Variants in SH3KBP1 observed in about 807,000 individuals in gnomAD.
SH3KBP1 encodes SH3 domain containing kinase binding protein 1.
In SH3KBP1, 8 loss-of-function variants were observed where a neutral mutation model predicts 50.1. The ratio of observed to expected loss-of-function variants is 0.16; its 90% CI spans 0.09 to 0.29. The LOEUF is 0.29. Among genes scored for constraint, SH3KBP1 ranks in the 10% least tolerant of loss-of-function variants. SH3KBP1 has a pLI of 1.00. For missense variants in SH3KBP1, 377 were observed against 535.2 expected, an observed-to-expected ratio of 0.70 and a Z score of 2.92; for synonymous variants, 227 against 218.6, an observed-to-expected ratio of 1.04 and a Z score of -0.34.
At chrX:19,563,161 G>A (rs2065736053) in intron 13 of SH3KBP1, among the ~76,000 whole-genome samples, 1 of 112,270 alleles carries the variant, frequency 8.9e-6, no homozygotes, top group African/African-American at 3.2e-5. Flanking sequence ...TGTGCAAGGT[G>A]CACAGGCAGA....
At chrX:19,724,183 T>C (rs1158981521) in intron 3 of SH3KBP1, among the ~76,000 whole-genome samples, 1 of 110,636 alleles carries the variant, frequency 9.0e-6, no homozygotes, top group East Asian at 2.8e-4. Context: ...TTAGAAGTTA[T>C]AAATCTAGAA....
chrX:19,772,407 AG>A (rs2065814916), intron 2 of SH3KBP1, among the ~76,000 whole-genome samples: 1 of 111,220 alleles, frequency 9.0e-6, no homozygotes, highest in South Asian at 3.8e-4. Flanking sequence ...AAGAAATGGA[AG>A]GAGGGAGGTC....
intron 6 of SH3KBP1, 75 bp from the exon 7 acceptor site, chrX:19,645,550 T>C (rs1301758837): frequency 6.0e-6 from 5 of 839,411 alleles, no homozygotes; most frequent in Non-Finnish European, 8.8e-6. Context: ...ATCCAGATCA[T>C]AATGACAAAA....
chrX:19,831,998 C>T (rs937843283), intron 2 of SH3KBP1, among the ~76,000 whole-genome samples: 1 of 111,770 alleles, frequency 8.9e-6, no homozygotes, highest in African/African-American at 3.3e-5. Context: ...CAACCACCTA[C>T]TGAATTTTCA....
chrX:19,632,079 T>C (rs2061591351), intron 7 of SH3KBP1, 121 bp from the exon 8 acceptor site: 1 of 383,951 alleles, frequency 2.6e-6, no homozygotes, highest in South Asian at 7.1e-5. Context: ...AGCATATTAC[T>C]GCTGCATGAA....
intron 2 of SH3KBP1, among the ~76,000 whole-genome samples, chrX:19,779,105 G>GGACAATATGACAAAACCCTGTCTCTAT: frequency 9.2e-6 from 1 of 108,600 alleles, no homozygotes; most frequent in Non-Finnish European, 1.9e-5. Flanking sequence ...AGACCAGACT[G>GGACAATATGACAAAACCCTGTCTCTAT]GACAATATGA....
rs935854721 is a variant in SH3KBP1, at chrX:19,714,457, C to A, written c.287-7473G>T. On this transcript the variant is annotated intron_variant, in intron 3 of 17. Transcript: ENST00000397821. ...TCCCGTATCAAAATATCTCATGTAT[C>A]CCATAAATATATACACCTATGTACC... Among the ~76,000 whole-genome samples the A allele has an allele frequency of 8.2e-5, 9 of 110,056 alleles. No homozygotes were observed. The South Asian group carries it at 1.2e-3, about 14-fold the overall frequency.
intron 3 of SH3KBP1, 110 bp from the exon 4 acceptor site, chrX:19,707,094 C>T (rs765552384): frequency 1.8e-5 from 12 of 650,957 alleles, no homozygotes; most frequent in Non-Finnish European, 2.6e-5. Flanking sequence ...CTCAAATATG[C>T]TCTCTGGGAC....
intron 13 of SH3KBP1, among the ~76,000 whole-genome samples, chrX:19,563,405 C>T (rs1602482389): frequency 8.9e-6 from 1 of 112,010 alleles, no homozygotes; most frequent in Non-Finnish European, 1.9e-5. Flanking sequence ...GGCTCAAGGG[C>T]GATGCAGGGA....
intron 2 of SH3KBP1, among the ~76,000 whole-genome samples, chrX:19,776,642 G>A (rs2065991683): frequency 9.9e-6 from 1 of 101,172 alleles, no homozygotes; most frequent in African/African-American, 3.7e-5. Flanking sequence ...CAAACTCCTG[G>A]GCTCAAGTGA....
chrX:19,658,547 G>C (rs957322219), intron 6 of SH3KBP1, among the ~76,000 whole-genome samples: 2 of 111,514 alleles, frequency 1.8e-5, no homozygotes, highest in Non-Finnish European at 3.8e-5. Context: ...TACTTAAAAA[G>C]GCTCAATGAT....
At chrX:19,541,875 T>A in intron 16 of SH3KBP1, 50 bp downstream of exon 16, 1 of 1,169,303 alleles carries the variant, frequency 8.6e-7, no homozygotes, top group South Asian at 2.0e-5. Context: ...GGTGCTGGCC[T>A]GGCAGAGAGC....
At chrX:19,812,013 T>C (rs2067220826) in intron 2 of SH3KBP1, among the ~76,000 whole-genome samples, 1 of 111,911 alleles carries the variant, frequency 8.9e-6, no homozygotes, top group Non-Finnish European at 1.9e-5. Flanking sequence ...GGTCTCCATC[T>C]GGGACCACCT....
chrX:19,669,306 GAATAAT>G (rs756765901), intron 6 of SH3KBP1, among the ~76,000 whole-genome samples: 6 of 101,288 alleles, frequency 5.9e-5, no homozygotes, highest in East Asian at 3.0e-4. Flanking sequence ...CTTCAACTTT[GAATAAT>G]AATAATAATA....
intron 6 of SH3KBP1, among the ~76,000 whole-genome samples, chrX:19,665,123 A>T (rs763876247): frequency 8.9e-6 from 1 of 112,526 alleles, no homozygotes; most frequent in Admixed American, 9.4e-5. Context: ...TAAGAATTCA[A>T]AATAAAAAGA....
At chrX:19,551,272 G>A (rs1322982726) in intron 13 of SH3KBP1, among the ~76,000 whole-genome samples, 4 of 111,211 alleles carry the variant, frequency 3.6e-5, no homozygotes, top group East Asian at 2.8e-4. Context: ...TTAACCATCC[G>A]CAGAGATGGC....
intron 8 of SH3KBP1, among the ~76,000 whole-genome samples, chrX:19,629,946 T>TA (rs2061540381): frequency 8.9e-6 from 1 of 112,241 alleles, no homozygotes; most frequent in Admixed American, 9.4e-5. Context: ...ATGGGACCGA[T>TA]AGATACTCCC....
intron 2 of SH3KBP1, among the ~76,000 whole-genome samples, chrX:19,808,242 C>T (rs1213265704): frequency 1.8e-5 from 2 of 110,678 alleles, no homozygotes; most frequent in African/African-American, 6.6e-5. Flanking sequence ...GGCTTCACAA[C>T]GTATTTGCCC....
chrX:19,602,782 A>G (rs1248417361), intron 9 of SH3KBP1, among the ~76,000 whole-genome samples: 1 of 112,112 alleles, frequency 8.9e-6, no homozygotes, highest in Admixed American at 9.5e-5. Flanking sequence ...AATAATAAAG[A>G]AAATGTTGAC....
Sources: allele counts gnomAD v4.1 joint callset (sites outside exome capture counted in the v4.1 genomes callset), GRCh38; gene constraint gnomAD v4.1.1; transcripts MANE v1.5; gene names NCBI Gene and HGNC (gene_info 2026-07-23, HGNC 2026-07-21).